The following ABCG1 variants were observed in gnomAD, a reference collection of about 807,000 sequenced individuals.
ABCG1 encodes ATP binding cassette subfamily G member 1.
ABCG1 carries 29 observed loss-of-function variants against 69.2 expected under a neutral mutation model. The observed-to-expected ratio is 0.42, with a 90% CI of 0.31 to 0.57. The LOEUF (loss-of-function observed/expected upper bound fraction) is 0.57. ABCG1 is among the 20% of genes least tolerant of loss of function. ABCG1 has a pLI of 0.15. For missense variants in ABCG1, 718 were observed against 898.1 expected (o/e 0.80, Z 2.56); for synonymous variants, 370 against 374.8 (o/e 0.99, Z 0.15).
intron 2 of ABCG1, among the ~76,000 whole-genome samples, chr21:42,203,837 A>T (rs559581027): frequency 6.6e-6 from 1 of 152,322 alleles, no homozygotes; most frequent in East Asian, 1.9e-4. Flanking sequence ...TATTTTGTTG[A>T]TCATTGATAT....
intron 6 of ABCG1, 57 bp from the exon 7 acceptor site, chr21:42,284,503 G>C (rs994539907): frequency 1.3e-6 from 2 of 1,594,792 alleles, no homozygotes; most frequent in Non-Finnish European, 1.7e-6. Context: ...CCGGAACCTG[G>C]GGCAGTGGCT....
chr21:42,207,315 C>G (rs2067550972), intron 2 of ABCG1, among the ~76,000 whole-genome samples: 1 of 152,102 alleles, frequency 6.6e-6, no homozygotes, highest in Non-Finnish European at 1.5e-5. Context: ...TCTATTGTTC[C>G]ATTTCCCAGT....
intron 2 of ABCG1, among the ~76,000 whole-genome samples, chr21:42,237,480 G>A (rs764422724): frequency 3.9e-5 from 6 of 152,114 alleles, no homozygotes; most frequent in Non-Finnish European, 7.3e-5. Context: ...GTTACTCTTC[G>A]TACTCCTCTG....
intron 7 of ABCG1, 41 bp downstream of exon 7, chr21:42,284,724 A>G: frequency 1.2e-6 from 2 of 1,603,684 alleles, no homozygotes; most frequent in East Asian, 2.2e-5. Context: ...TTACCACTGC[A>G]CTCAGGTCAG....
intron 13 of ABCG1, among the ~76,000 whole-genome samples, chr21:42,293,281 TACACAGTACACACCAC>T (rs1449060734): frequency 1.1e-4 from 12 of 106,100 alleles, no homozygotes; most frequent in African/African-American, 4.4e-4. Flanking sequence ...CATACCACAC[TACACAGTACACACCAC>T]ACACACTACA....
rs2067683852 is a variant in ABCG1, at chr21:42,219,357, C to G, written c.42+53C>G. The G allele has an allele frequency of 3.8e-6, 6 of 1,569,440 alleles. No individual in the cohort carries two copies. In the East Asian group the frequency reaches 1.5e-4, roughly 39 times the overall value. ...GGAACGGTTTTATTTTCAAGGAGAG[C>G]AGGAAACACACAAAGACTCGCAAGC... On this transcript the variant is annotated intron_variant, in intron 1 of 14. Coordinates refer to ENST00000398449, the MANE Select transcript of ABCG1 (RefSeq NM_016818.3). The surrounding 1 kb of genome is among the most constrained non-coding windows in gnomAD (Gnocchi z 5.3).
chr21:42,223,910 A>G (rs2067771432), intron 1 of ABCG1, among the ~76,000 whole-genome samples: 1 of 152,196 alleles, frequency 6.6e-6, no homozygotes. Context: ...CACACCTGCA[A>G]TGGGTGCCTG....
At chr21:42,201,857 G>A (rs533834839) in intron 2 of ABCG1, 16 of 1,545,130 alleles carry the variant, frequency 1.0e-5, no homozygotes, top group Middle Eastern at 1.7e-4. Context: ...CTCCTGCGGT[G>A]TAGTTTGGTG....
chr21:42,289,403 A>G (rs1480223671), intron 10 of ABCG1, among the ~76,000 whole-genome samples: 2 of 152,214 alleles, frequency 1.3e-5, no homozygotes. Flanking sequence ...CTCACATGCC[A>G]TTGGCCTAAA....
intron 2 of ABCG1, among the ~76,000 whole-genome samples, chr21:42,208,365 T>C (rs2067560175): frequency 6.6e-6 from 1 of 152,152 alleles, no homozygotes; most frequent in South Asian, 2.1e-4. Context: ...GAACCCTGGA[T>C]GGTTTGCCTT....
upstream of ABCG1, among the ~76,000 whole-genome samples, chr21:42,217,136 C>G (rs2067649564): frequency 6.6e-6 from 1 of 152,192 alleles, no homozygotes; most frequent in African/African-American, 2.4e-5. Flanking sequence ...GATGGCCAGG[C>G]TGGATGGGGG....
intron 1 of ABCG1, chr21:42,201,465 C>A: frequency 3.2e-6 from 2 of 625,848 alleles, no homozygotes; most frequent in Non-Finnish European, 5.3e-6. Flanking sequence ...TAACGGGCCA[C>A]GGACTGGTCT....
Position 42,288,302 on chromosome 21 carries a change from T to C in ABCG1, c.1214T>C (p.Met405Thr), listed in dbSNP as rs768104744. ...TTCAAGAGGACCTTCCTCAGCATCATGAGGGACTCGGTAAGGCTGCCCGCA... is the reference window on the plus strand; with the variant it reads ...TTCAAGAGGACCTTCCTCAGCATCACGAGGGACTCGGTAAGGCTGCCCGCA... ...ILFKRTFLSI[M>T]RDSVLTHLRI... Residue 405 changes from methionine to threonine, a missense_variant, in exon 10 of 15, where the codon ATG (methionine) becomes ACG (threonine). Transcript: ENST00000398449. This position sits in a 1 kb window ranked among gnomAD's most constrained non-coding sequence, Gnocchi z 4.8. 6 of 1,603,466 alleles carry C rather than the reference T, an allele frequency of 3.7e-6. No individual in the cohort carries two copies. The East Asian group carries it at 6.7e-5, about 18-fold the overall frequency.
At chr21:42,243,497 T>C (rs1245222772) in intron 2 of ABCG1, among the ~76,000 whole-genome samples, 1 of 150,694 alleles carries the variant, frequency 6.6e-6, no homozygotes, top group African/African-American at 2.5e-5. Context: ...TGTGCGCTGG[T>C]TTATAATATC....
chr21:42,215,595 T>G (rs1289034432), upstream of ABCG1, among the ~76,000 whole-genome samples: 1 of 152,138 alleles, frequency 6.6e-6, no homozygotes, highest in East Asian at 1.9e-4. Context: ...CTGATCACAC[T>G]GAATAGGTGT....
chr21:42,228,283 G>T (rs1169100824), intron 2 of ABCG1, among the ~76,000 whole-genome samples: 1 of 152,174 alleles, frequency 6.6e-6, no homozygotes, highest in Non-Finnish European at 1.5e-5. Context: ...CTCAGAAATG[G>T]GTGGAGCCAG....
At chr21:42,289,507 T>C (rs1273631577) in intron 10 of ABCG1, among the ~76,000 whole-genome samples, 1 of 151,816 alleles carries the variant, frequency 6.6e-6, no homozygotes, top group Non-Finnish European at 1.5e-5. Context: ...GGACGGGGGG[T>C]TGGACAATTC....
Position 42,296,528 on chromosome 21 carries a change from T to G in ABCG1, c.*136T>G. ...AACCCCTAGAACCGCGTTGGGTTTG[T>G]GGGTGTCTCGTGCTCAGCCACTCTG... On this transcript the variant is annotated 3_prime_UTR_variant, in exon 15 of 15. Coordinates refer to ENST00000398449, the MANE Select transcript of ABCG1 (RefSeq NM_016818.3). The surrounding 1 kb of genome is among the most constrained non-coding windows in gnomAD (Gnocchi z 5.4). 1.3e-6 allele frequency: 1 copy of G among 765,880 alleles called. No individual in the cohort carries two copies. The highest frequency in any genetic ancestry group is 2.2e-5 in the Admixed American group (1 of 45,636). 47.4% of individuals were successfully genotyped at this position (765,880 alleles called of 1,614,324 possible). A position where few individuals can be genotyped will look rare whatever the true frequency, so the allele number is the denominator to read the frequency against.
At chr21:42,239,281 A>G (rs2068018229) in intron 2 of ABCG1, among the ~76,000 whole-genome samples, 1 of 152,236 alleles carries the variant, frequency 6.6e-6, no homozygotes, top group Non-Finnish European at 1.5e-5. Context: ...TTATTAGATC[A>G]AATAGCTTGA....
Sources: gnomAD v4.1 joint callset for allele counts (sites outside exome capture counted in the v4.1 genomes callset) on GRCh38, gnomAD v4.1.1 for gene constraint, Gnocchi (gnomAD v3.1) non-coding constraint, MANE v1.5 for transcripts, NCBI Gene and HGNC (gene_info 2026-07-23, HGNC 2026-07-21) for gene names.